The following NUBPL variants were observed in gnomAD, a reference collection of about 807,000 sequenced individuals.
The protein encoded by NUBPL is NUBP iron-sulfur cluster assembly factor, mitochondrial.
A neutral mutation model predicts 45.7 loss-of-function variants in NUBPL; 31 were observed. The ratio of observed to expected loss-of-function variants is 0.68; its 90% CI spans 0.51 to 0.92. The LOEUF (loss-of-function observed/expected upper bound fraction) is 0.92, where lower values mean the gene tolerates loss of function less well. Ranked by LOEUF, NUBPL falls within the 40% of genes least tolerant of loss-of-function variation. The pLI is 0.00. For missense variants in NUBPL, 401 were observed against 398.7 expected, an observed-to-expected ratio of 1.01 and a Z score of -0.05; for synonymous variants, 144 against 140.9, an observed-to-expected ratio of 1.02 and a Z score of -0.15.
chr14:31,610,570 C>A (rs2034725305), intron 4 of NUBPL, among the ~76,000 whole-genome samples: 2 of 121,984 alleles, frequency 1.6e-5, no homozygotes. Context: ...TCTGTGAGGC[C>A]AGTATTACCC....
rs779102997 is a variant in NUBPL, at chr14:31,760,818, C to T, written c.514-26962C>T. ...TATTTACCAGATCTGGCTCCATCTA[C>T]TTTTTACATTTTACTTTATTTATTT... On this transcript the variant is annotated intron_variant, in intron 6 of 10. Coordinates refer to ENST00000281081, the MANE Select transcript of NUBPL (RefSeq NM_025152.3). Among the ~76,000 whole-genome samples, 184 of 149,082 alleles carry T rather than the reference C, an allele frequency of 1.2e-3. 1 individual carries two copies. The highest frequency in any genetic ancestry group is 1.9e-3 in the Non-Finnish European group (127 of 67,954).
chr14:31,736,839 G>A (rs1366795945), intron 6 of NUBPL, among the ~76,000 whole-genome samples: 1 of 152,074 alleles, frequency 6.6e-6, no homozygotes, highest in Non-Finnish European at 1.5e-5. Flanking sequence ...AATTCCAGTT[G>A]TTCTACATCC....
At chr14:31,811,023 C>T (rs1038161396) in intron 7 of NUBPL, among the ~76,000 whole-genome samples, 2 of 152,136 alleles carry the variant, frequency 1.3e-5, no homozygotes, top group Non-Finnish European at 2.9e-5. Flanking sequence ...GTGGTTAACC[C>T]GCCCTTTCTC....
intron 6 of NUBPL, among the ~76,000 whole-genome samples, chr14:31,674,784 A>C (rs957388022): frequency 2.6e-5 from 4 of 152,204 alleles, no homozygotes; most frequent in African/African-American, 9.6e-5. Context: ...GTAGTCTAGC[A>C]GAGGTCCAAA....
At position 31,612,489 on chromosome 14, in the gene NUBPL, C is replaced by T. The variant is rs373885204; in HGVS notation, c.382+13110C>T. ...CCATCTGGCCAACATGGTGAAACCC[C>T]ATCTCTACTAAAAATACAAAAATTA... On this transcript the variant is annotated intron_variant, in intron 4 of 10. Coordinates refer to ENST00000281081, the MANE Select transcript of NUBPL (RefSeq NM_025152.3). 6.0e-3 allele frequency among the ~76,000 whole-genome samples: 920 copies of T among 152,182 alleles called. 10 individuals are homozygous for T. The highest frequency in any genetic ancestry group is 0.021 in the African/African-American group (861 of 41,518).
chr14:31,601,515 T>C (rs1284200657), intron 4 of NUBPL, among the ~76,000 whole-genome samples: 1 of 152,000 alleles, frequency 6.6e-6, no homozygotes, highest in Non-Finnish European at 1.5e-5. Flanking sequence ...CTCCAGAATC[T>C]ACAATGAACT....
intron 7 of NUBPL, among the ~76,000 whole-genome samples, chr14:31,826,353 C>G (rs1162772097): frequency 6.6e-6 from 1 of 151,878 alleles, no homozygotes; most frequent in Non-Finnish European, 1.5e-5. Context: ...ACTCCTGACC[C>G]CAAACGATCT....
chr14:31,748,569 A>G (rs2038451398), intron 6 of NUBPL, among the ~76,000 whole-genome samples: 1 of 149,294 alleles, frequency 6.7e-6, no homozygotes, highest in African/African-American at 2.6e-5. Flanking sequence ...GTCTTTTTTT[A>G]AAAGTCAATT....
intron 3 of NUBPL, among the ~76,000 whole-genome samples, chr14:31,597,602 A>G (rs527250111): frequency 7.2e-5 from 11 of 152,184 alleles, no homozygotes; most frequent in Non-Finnish European, 1.3e-4. Flanking sequence ...TTTACTTGAC[A>G]GGTAATGTTA....
intron 3 of NUBPL, among the ~76,000 whole-genome samples, chr14:31,588,301 CATAG>C (rs2034046382): frequency 6.6e-6 from 1 of 152,146 alleles, no homozygotes. Context: ...GTACCTGGCA[CATAG>C]ATAGAAGTAT....
intron 4 of NUBPL, among the ~76,000 whole-genome samples, chr14:31,611,280 C>A (rs1180700524): frequency 6.6e-6 from 1 of 152,074 alleles, no homozygotes; most frequent in East Asian, 1.9e-4. Flanking sequence ...TTTTTATATG[C>A]CAACAGTGAA....
intron 6 of NUBPL, among the ~76,000 whole-genome samples, chr14:31,766,161 T>A (rs1398641432): frequency 6.6e-6 from 1 of 152,216 alleles, no homozygotes; most frequent in Non-Finnish European, 1.5e-5. Context: ...AGATTAAAAA[T>A]GGATGCCAAA....
rs1417527170 is a variant in NUBPL at position 31,859,690 on chromosome 14, C to T, written c.*510C>T. 1.8e-5 allele frequency: 3 copies of T among 169,658 alleles called. No individual in the cohort carries two copies. Among genetic ancestry groups the T allele is most frequent in the Non-Finnish European group, 3.9e-5 (3 of 77,228 alleles). The allele number at this position is 169,658 out of a possible 1,614,324, so 10.5% of individuals were successfully genotyped here. ...ACTATACCCCAGACTTAATGAATTT[C>T]AGTCTCCAGGAGTGGAGCCTGAACA... On this transcript the variant is annotated 3_prime_UTR_variant, in exon 11 of 11. Transcript: ENST00000281081.
chr14:31,699,689 A>G (rs1208568575), intron 6 of NUBPL, among the ~76,000 whole-genome samples: 1 of 152,352 alleles, frequency 6.6e-6, no homozygotes, highest in East Asian at 1.9e-4. Context: ...GTTCTCATTC[A>G]GCTACAAGTT....
chr14:31,805,984 A>G (rs1030981573), intron 7 of NUBPL, among the ~76,000 whole-genome samples: 2 of 152,200 alleles, frequency 1.3e-5, no homozygotes, highest in African/African-American at 4.8e-5. Flanking sequence ...CTTAAAGTTC[A>G]GTGAAGAGTA....
At chr14:31,673,034 T>C (rs2036609270) in intron 4 of NUBPL, among the ~76,000 whole-genome samples, 2 of 152,342 alleles carry the variant, frequency 1.3e-5, no homozygotes, top group Non-Finnish European at 2.9e-5. Flanking sequence ...AGTGATCTGT[T>C]GCGCAGCATG....
At chr14:31,764,721 A>G (rs1352350512) in intron 6 of NUBPL, among the ~76,000 whole-genome samples, 1 of 152,198 alleles carries the variant, frequency 6.6e-6, no homozygotes, top group Non-Finnish European at 1.5e-5. Context: ...ATGGTCTTTT[A>G]ATGAGATGCA....
At chr14:31,634,990 C>A (rs1460034825) in intron 4 of NUBPL, among the ~76,000 whole-genome samples, 1 of 150,512 alleles carries the variant, frequency 6.6e-6, no homozygotes, top group East Asian at 1.9e-4. Context: ...TGGATATTAG[C>A]CCTCTGTCAG....
chr14:31,634,210 G>T (rs894833550), intron 4 of NUBPL, among the ~76,000 whole-genome samples: 1 of 149,776 alleles, frequency 6.7e-6, no homozygotes, highest in African/African-American at 2.5e-5. Context: ...TTAGCATTAG[G>T]TATATCTCCT....
Sources: allele counts gnomAD v4.1 joint callset (sites outside exome capture counted in the v4.1 genomes callset), GRCh38; gene constraint gnomAD v4.1.1; transcripts MANE v1.5; gene names NCBI Gene and HGNC (gene_info 2026-07-23, HGNC 2026-07-21).